The following AUH variants were observed in gnomAD, a reference collection of about 807,000 sequenced individuals.
The protein encoded by AUH is AU RNA binding methylglutaconyl-CoA hydratase, also known as methylglutaconyl-CoA hydratase, mitochondrial.
AUH carries 29 observed loss-of-function variants against 42.3 expected under a neutral mutation model. That is an observed-to-expected ratio of 0.69 (90% CI 0.51 to 0.93). AUH has a LOEUF of 0.93. Ranked by LOEUF, AUH falls within the 40% of genes least tolerant of loss-of-function variation. AUH has a pLI of 0.00. For missense variants in AUH, 452 were observed against 438.1 expected, an observed-to-expected ratio of 1.03 and a Z score of -0.28; for synonymous variants, 174 against 166.4, an observed-to-expected ratio of 1.05 and a Z score of -0.35.
At chr9:91,229,496 G>A (rs1023516524) in intron 6 of AUH, among the ~76,000 whole-genome samples, 2 of 150,756 alleles carry the variant, frequency 1.3e-5, no homozygotes, top group African/African-American at 2.4e-5. Flanking sequence ...GATGGGTCTT[G>A]ACTCTTTATC....
At chr9:91,259,953 C>G (rs1246436227) in intron 6 of AUH, among the ~76,000 whole-genome samples, 1 of 152,100 alleles carries the variant, frequency 6.6e-6, no homozygotes, top group Non-Finnish European at 1.5e-5. Context: ...TTTCTATATT[C>G]TCACTGATTT....
chr9:91,278,053 G>C (rs944415802), intron 6 of AUH, among the ~76,000 whole-genome samples: 2 of 152,136 alleles, frequency 1.3e-5, no homozygotes, highest in Admixed American at 6.5e-5. Context: ...TTAATGATGA[G>C]GTGTCAGGAA....
At chr9:91,218,748 T>C in intron 7 of AUH, 1 of 984,232 alleles carries the variant, frequency 1.0e-6, no homozygotes, top group South Asian at 4.7e-5. Flanking sequence ...AAGTAATATA[T>C]AATACAGATA....
intron 3 of AUH, among the ~76,000 whole-genome samples, chr9:91,349,969 T>C (rs1288429714): frequency 6.6e-6 from 1 of 152,202 alleles, no homozygotes; most frequent in Admixed American, 6.6e-5. Flanking sequence ...GGTATGACTG[T>C]GATCACACAT....
At chr9:91,282,560 G>A (rs1367601480) in intron 6 of AUH, among the ~76,000 whole-genome samples, 2 of 152,086 alleles carry the variant, frequency 1.3e-5, no homozygotes, top group African/African-American at 4.8e-5. Context: ...GAGGAGCAGT[G>A]GTAGGAGCTG....
chr9:91,279,736 G>A lies in AUH; in HGVS notation c.655+16285C>T, dbSNP rs78599684. ...CACCAGGCCCCTCCTCCAACACTGC[G>A]GGTCACAATTAACATGACATTTGGT... On this transcript the variant is annotated intron_variant, in intron 6 of 9. Coordinates refer to ENST00000375731, the MANE Select transcript of AUH (RefSeq NM_001698.3). 3.0e-3 allele frequency among the ~76,000 whole-genome samples: 464 copies of A among 152,208 alleles called. 5 individuals are homozygous for A. Among genetic ancestry groups the A allele is most frequent in the African/African-American group, 0.011 (442 of 41,522 alleles).
At chr9:91,218,129 A>C (rs1460072491) in intron 7 of AUH, among the ~76,000 whole-genome samples, 1 of 152,230 alleles carries the variant, frequency 6.6e-6, no homozygotes, top group Non-Finnish European at 1.5e-5. Context: ...GGCTCTAAAC[A>C]ACAGGCACAG....
chr9:91,325,331 C>G lies in AUH; in HGVS notation c.492G>C (p.Val164=). 6.2e-7 allele frequency: 1 copy of G among 1,613,734 alleles called. No individual in the cohort carries two copies. Among genetic ancestry groups the G allele is most frequent in the Non-Finnish European group, 8.5e-7 (1 of 1,179,782 alleles). The change falls in exon 4 of 10, where the codon GTG becomes GTC. Residue 164 remains valine, a synonymous_variant. Transcript: ENST00000375731. ...AATAGTGCTTACCAATATCGTTAAT[C>G]ACTGCTCTTATTTTGGAGACAAAAG... ...VGPFVSKIRA[V]INDIANLPVP... is the part of the protein sequence containing the mutation.
intron 6 of AUH, among the ~76,000 whole-genome samples, chr9:91,227,085 A>G (rs1827544048): frequency 6.6e-6 from 1 of 151,612 alleles, no homozygotes; most frequent in Non-Finnish European, 1.5e-5. Flanking sequence ...CCAATTCTGT[A>G]AAGAAAGGCA....
chr9:91,322,308 C>T (rs184443279), intron 4 of AUH, among the ~76,000 whole-genome samples: 31 of 152,288 alleles, frequency 2.0e-4, no homozygotes, highest in Non-Finnish European at 3.5e-4. Flanking sequence ...ATCTTAGCCA[C>T]CCCCTTGCAT....
intron 6 of AUH, among the ~76,000 whole-genome samples, chr9:91,264,766 A>T (rs1204275522): frequency 3.3e-5 from 5 of 152,204 alleles, no homozygotes; most frequent in Non-Finnish European, 7.3e-5. Flanking sequence ...CTAAAAAGCA[A>T]AAAGAGGTAT....
rs1335210252 is a variant in AUH, at chr9:91,220,859, C to A, written c.789G>T (p.Glu263Asp). 2.5e-6 allele frequency: 4 copies of A among 1,614,264 alleles called. No homozygotes were observed. The highest frequency in any genetic ancestry group is 2.5e-6 in the Non-Finnish European group (3 of 1,180,050). The part of the protein sequence containing the change: ...LISHVLEQNQ[E>D]GDAAYRKALD... ...AGGCCTTCCTGTAGGCCGCGTCTCC[C>A]TCCTGGTTCTGTTCCAGAACGTGGC... Residue 263 changes from glutamate (E) to aspartate (D), a missense_variant, in exon 7 of 10, where the codon GAG becomes GAT. Transcript: ENST00000375731.
At position 91,274,612 on chromosome 9, in the gene AUH, A is replaced by C. The variant is rs533759280; in HGVS notation, c.655+21409T>G. 3.0e-3 allele frequency among the ~76,000 whole-genome samples: 460 copies of C among 152,348 alleles called. 6 individuals carry two copies. Among genetic ancestry groups the C allele is most frequent in the African/African-American group, 0.01 (431 of 41,582 alleles). ...AAGTCAAGTGTATAAAAATTGAGAA[A>C]GTAAATATCAGATTGGCAACTCAAT... On this transcript the variant is annotated intron_variant, in intron 6 of 9. Coordinates refer to ENST00000375731, the MANE Select transcript of AUH (RefSeq NM_001698.3).
At chr9:91,357,812 G>C (rs974258754) in intron 1 of AUH, among the ~76,000 whole-genome samples, 3 of 152,220 alleles carry the variant, frequency 2.0e-5, no homozygotes, top group Non-Finnish European at 4.4e-5. Flanking sequence ...TAACCTACGA[G>C]GGGGAGAAGA....
intron 6 of AUH, among the ~76,000 whole-genome samples, chr9:91,248,732 T>A (rs1362004245): frequency 6.6e-6 from 1 of 152,186 alleles, no homozygotes; most frequent in Non-Finnish European, 1.5e-5. Flanking sequence ...AAACAACATG[T>A]AACAAAACCA....
chr9:91,257,725 T>A (rs1326959466), intron 6 of AUH, among the ~76,000 whole-genome samples: 1 of 152,204 alleles, frequency 6.6e-6, no homozygotes, highest in African/African-American at 2.4e-5. Flanking sequence ...AATCAGGTAG[T>A]GTTTAATCTA....
At chr9:91,312,033 A>G (rs1447057587) in intron 4 of AUH, among the ~76,000 whole-genome samples, 2 of 152,096 alleles carry the variant, frequency 1.3e-5, no homozygotes, top group Non-Finnish European at 2.9e-5. Flanking sequence ...TTAAAGAACA[A>G]AAGAACTCAA....
At chr9:91,336,992 T>C (rs951104626) in intron 3 of AUH, among the ~76,000 whole-genome samples, 5 of 152,250 alleles carry the variant, frequency 3.3e-5, no homozygotes, top group African/African-American at 9.6e-5. Context: ...TTCCTTCTTA[T>C]CACCTTTGTA....
intron 4 of AUH, among the ~76,000 whole-genome samples, chr9:91,320,474 A>G (rs1829483602): frequency 1.3e-5 from 2 of 152,148 alleles, no homozygotes; most frequent in South Asian, 4.1e-4. Context: ...AATAAGACAA[A>G]CGCTGAGCTG....
Sources: allele counts gnomAD v4.1 joint callset (sites outside exome capture counted in the v4.1 genomes callset), GRCh38; gene constraint gnomAD v4.1.1; transcripts MANE v1.5; gene names NCBI Gene and HGNC (gene_info 2026-07-23, HGNC 2026-07-21).